Variants in SKOR2 observed in about 807,000 individuals in gnomAD.
SKOR2 encodes SKI family transcriptional corepressor 2, also known as LBX1 corepressor 1-like protein.
Under a neutral mutation model 69.1 loss-of-function variants are expected in SKOR2, and 47 were observed. The observed-to-expected ratio is 0.68, with a 90% CI of 0.54 to 0.87. The LOEUF (loss-of-function observed/expected upper bound fraction) is 0.87, where lower values mean the gene tolerates loss of function less well. Ranked by LOEUF, SKOR2 falls within the 40% of genes least tolerant of loss-of-function variation. SKOR2 has a pLI of 0.00. For missense variants in SKOR2, 1,404 were observed against 1,472.2 expected, an observed-to-expected ratio of 0.95 and a Z score of 0.76; for synonymous variants, 717 against 672.6, an observed-to-expected ratio of 1.07 and a Z score of -1.02.
chr18:47,246,114 G>C (rs2064271829), intron 2 of SKOR2, among the ~76,000 whole-genome samples: 1 of 152,192 alleles, frequency 6.6e-6, no homozygotes, highest in Admixed American at 6.5e-5. Context: ...TTTAACTTTT[G>C]AAGCCAATGC....
At chr18:47,221,764 C>T (rs1222918640) in intron 6 of SKOR2, among the ~76,000 whole-genome samples, 1 of 152,168 alleles carries the variant, frequency 6.6e-6, no homozygotes, top group Non-Finnish European at 1.5e-5. Context: ...CCATCTGTCT[C>T]CCTGCTAAAC....
chr18:47,219,612 T>C (rs112511766), intron 7 of SKOR2, among the ~76,000 whole-genome samples: 12 of 152,296 alleles, frequency 7.9e-5, no homozygotes, highest in East Asian at 3.9e-4. Flanking sequence ...GGAAGACAGT[T>C]GCCCTTCACT....
chr18:47,251,453 G>C lies in SKOR2; in HGVS notation c.-127C>G, dbSNP rs899792432. 3 of 152,376 alleles carry C rather than the reference G, an allele frequency of 2.0e-5. No individual in the cohort carries two copies. The highest frequency in any genetic ancestry group is 7.2e-5 in the African/African-American group (3 of 41,470). 9.4% of individuals were successfully genotyped at this position (152,376 alleles called of 1,614,324 possible). ...CGCTCGGAGGCGAAGCATCCAAGCG[G>C]GTCCTCGTATCCAGCGGGCGGGACT... On this transcript the variant is annotated 5_prime_UTR_variant, in exon 1 of 9. Coordinates refer to ENST00000425639, the MANE Select transcript of SKOR2 (RefSeq NM_001278063.4).
In SKOR2 at chr18:47,247,492, G is replaced by A. The variant is rs2064285021; in HGVS notation, c.1692C>T (p.Gly564=). ...AGCCCGCGCTGCAGTCCCCGCCGCTGCCGCCCGGGGGCGACTCGAAGAGCG... is the reference window on the plus strand; with the variant it reads ...AGCCCGCGCTGCAGTCCCCGCCGCTACCGCCCGGGGGCGACTCGAAGAGCG... The part of the protein sequence containing the change: ...RDALFESPPG[G]SGGDCSAGST... Residue 564 remains glycine (G), a synonymous_variant, in exon 2 of 9, where the codon GGC becomes GGT. Transcript: ENST00000425639. The surrounding 1 kb of genome is among the most constrained non-coding windows in gnomAD (Gnocchi z 6.6). 2.5e-6 allele frequency: 3 copies of A among 1,209,462 alleles called. No homozygotes were observed. Among genetic ancestry groups the A allele is most frequent in the Non-Finnish European group, 3.1e-6 (3 of 974,712 alleles). The allele number at this position is 1,209,462 out of a possible 1,614,324, so 74.9% of individuals were successfully genotyped here.
intron 4 of SKOR2, among the ~76,000 whole-genome samples, chr18:47,238,516 T>A (rs1449417773): frequency 6.6e-6 from 1 of 151,888 alleles, no homozygotes; most frequent in Non-Finnish European, 1.5e-5. Flanking sequence ...ATAGACAGGG[T>A]TTTACCTTGT....
intron 4 of SKOR2, among the ~76,000 whole-genome samples, chr18:47,241,639 A>AAAC (rs2064249248): frequency 1.8e-5 from 1 of 54,976 alleles, no homozygotes; most frequent in African/African-American, 5.0e-5. Context: ...ACAAACAAAC[A>AAAC]AAAAAAAAAC....
At chr18:47,211,490 C>T (rs2064127749) in intron 8 of SKOR2, among the ~76,000 whole-genome samples, 1 of 152,206 alleles carries the variant, frequency 6.6e-6, no homozygotes, top group Non-Finnish European at 1.5e-5. Flanking sequence ...TGAATTTTCA[C>T]TGTCTGCTTT....
At chr18:47,244,593 AG>A in intron 4 of SKOR2, among the ~76,000 whole-genome samples, 1 of 152,358 alleles carries the variant, frequency 6.6e-6, no homozygotes, top group African/African-American at 2.4e-5. Flanking sequence ...AGATATTAAA[AG>A]CAATAAGCTG....
At chr18:47,224,140 T>TG (rs2144489202) in intron 6 of SKOR2, among the ~76,000 whole-genome samples, 1 of 152,260 alleles carries the variant, frequency 6.6e-6, no homozygotes, top group East Asian at 1.9e-4. Context: ...ACTCCTGACC[T>TG]CAAGTGATCC....
chr18:47,214,872 G>A (rs1389267019), intron 7 of SKOR2, among the ~76,000 whole-genome samples: 3 of 152,054 alleles, frequency 2.0e-5, no homozygotes, highest in Admixed American at 2.0e-4. Context: ...ACTTACAAAA[G>A]CTTTCTTTTC....
Position 47,212,071 on chromosome 18 carries a change from C to T in SKOR2, c.*3+15G>A. The stretch of plus-strand genomic sequence containing the variant: ...ACAGAGAGTTAAGAAAATCTCTTTC[C>T]TCTGGTGATCTTACCTTTTAGCTTT... On this transcript the variant is annotated intron_variant, in intron 8 of 8. Transcript: ENST00000425639. 1.6e-6 allele frequency: 2 copies of T among 1,231,874 alleles called. No homozygotes were observed. Among genetic ancestry groups the T allele is most frequent in the South Asian group, 4.1e-5 (1 of 24,316 alleles). The allele number at this position is 1,231,874 out of a possible 1,614,324, so 76.3% of individuals were successfully genotyped here.
At chr18:47,216,714 G>A (rs372386502) in intron 7 of SKOR2, among the ~76,000 whole-genome samples, 1 of 152,130 alleles carries the variant, frequency 6.6e-6, no homozygotes, top group East Asian at 1.9e-4. Context: ...TGCATTGTGG[G>A]TCTTTGGGAA....
At chr18:47,214,775 A>G (rs1184659568) in intron 7 of SKOR2, among the ~76,000 whole-genome samples, 2 of 152,182 alleles carry the variant, frequency 1.3e-5, no homozygotes, top group African/African-American at 4.8e-5. Flanking sequence ...CAGACACTTC[A>G]GCAAATTCTC....
At chr18:47,223,157 G>T (rs1409362370) in intron 6 of SKOR2, among the ~76,000 whole-genome samples, 2 of 152,110 alleles carry the variant, frequency 1.3e-5, no homozygotes, top group African/African-American at 2.4e-5. Flanking sequence ...ACATGTCAAA[G>T]AATTAACATT....
chr18:47,244,828 T>A, intron 4 of SKOR2, 80 bp downstream of exon 4: 1 of 1,311,476 alleles, frequency 7.6e-7, no homozygotes, highest in Non-Finnish European at 1.0e-6. Context: ...TTGTACTAAA[T>A]ATTCAGTCTT....
intron 4 of SKOR2, 72 bp downstream of exon 4, chr18:47,244,836 C>A (rs1239599316): frequency 2.2e-6 from 3 of 1,380,774 alleles, no homozygotes; most frequent in East Asian, 5.0e-5. Context: ...AATATTCAGT[C>A]TTTTGATTAT....
chr18:47,247,991 A>G lies in SKOR2; in HGVS notation c.1193T>C (p.Phe398Ser). The stretch of plus-strand genomic sequence containing the variant: ...CGGGAAGAGCCCGCCGCAGCCCGGG[A>G]ACTTCTGCAGGACGCCCCCGAACGA... ...KGSFGGVLQKFPGCGGLFPHP... is the reference protein window; with the variant it reads ...KGSFGGVLQKSPGCGGLFPHP... Residue 398 changes from phenylalanine to serine, a missense_variant, in exon 2 of 9, where the codon TTC (phenylalanine) becomes TCC (serine). This residue lies in a region of SKOR2 where 1,266 missense variants were observed against 1,309.9 expected (regional missense o/e 0.97). Coordinates refer to ENST00000425639, the MANE Select transcript of SKOR2 (RefSeq NM_001278063.4). The surrounding 1 kb of genome is among the most constrained non-coding windows in gnomAD (Gnocchi z 6.6). 7.1e-7 allele frequency: 1 copy of G among 1,409,702 alleles called. No homozygotes were observed. Among genetic ancestry groups the G allele is most frequent in the South Asian group, 1.5e-5 (1 of 66,616 alleles). The allele number at this position is 1,409,702 out of a possible 1,614,324, so 87.3% of individuals were successfully genotyped here. A position where few individuals can be genotyped will look rare whatever the true frequency, so the allele number is the denominator to read the frequency against.
At chr18:47,226,319 G>A (rs1402056313) in intron 6 of SKOR2, among the ~76,000 whole-genome samples, 1 of 152,174 alleles carries the variant, frequency 6.6e-6, no homozygotes, top group Admixed American at 6.5e-5. Flanking sequence ...GATCAGACCA[G>A]TGTGAGTGAG....
At chr18:47,246,057 A>G (rs2064271609) in intron 2 of SKOR2, among the ~76,000 whole-genome samples, 1 of 152,188 alleles carries the variant, frequency 6.6e-6, no homozygotes, top group East Asian at 1.9e-4. Context: ...TGGACACAAC[A>G]GTTGTGTCCA....
Sources: gnomAD v4.1 joint callset for allele counts (sites outside exome capture counted in the v4.1 genomes callset) on GRCh38, gnomAD v4.1.1 for gene constraint, gnomAD v4.1.1 regional missense constraint, Gnocchi (gnomAD v3.1) non-coding constraint, MANE v1.5 for transcripts, NCBI Gene and HGNC (gene_info 2026-07-23, HGNC 2026-07-21) for gene names.